LGR6: variants seen among roughly 807,000 people sequenced by gnomAD.
LGR6 encodes the protein leucine-rich repeat-containing G protein-coupled receptor 6.
A neutral mutation model predicts 69.4 loss-of-function variants in LGR6; 45 were observed. The observed-to-expected ratio is 0.65, with a 90% CI of 0.51 to 0.83. The LOEUF is 0.83. Ranked by LOEUF, LGR6 falls within the 40% of genes least tolerant of loss-of-function variation. The probability of loss-of-function intolerance (pLI) is 0.00; values close to 1 mark genes in which losing one functional copy is unlikely to be tolerated. For synonymous variants in LGR6, 538 were observed against 555.0 expected, an observed-to-expected ratio of 0.97 and a Z score of 0.43; for missense variants, 1,108 against 1,246.7, an observed-to-expected ratio of 0.89 and a Z score of 1.68.
At position 202,224,654 on chromosome 1, in the gene LGR6, A is replaced by G. The variant is rs868695748; in HGVS notation, c.213-769A>G. On this transcript the variant is annotated intron_variant, in intron 1 of 17. Coordinates refer to ENST00000367278, the MANE Select transcript of LGR6 (RefSeq NM_001017403.2). ...GGAGCATGCAACCTAGACCCCTCGC[A>G]TGCGCAGTTCACAGTAGGGTTCACA... is the stretch of plus-strand genomic sequence containing the variant. 2.6e-5 allele frequency among the ~76,000 whole-genome samples: 4 copies of G among 152,206 alleles called. No individual in the cohort carries two copies. In the East Asian group the frequency reaches 7.7e-4, roughly 29 times the overall value.
At chr1:202,213,998 G>A in intron 1 of LGR6, 1 of 967,080 alleles carries the variant, frequency 1.0e-6, no homozygotes, top group Non-Finnish European at 1.2e-6. Context: ...TAGCTCTGAT[G>A]AACCAAATAG....
intron 5 of LGR6, among the ~76,000 whole-genome samples, chr1:202,277,736 A>G (rs929073671): frequency 6.6e-5 from 10 of 152,084 alleles, no homozygotes; most frequent in African/African-American, 2.2e-4. Flanking sequence ...AATATGGGAA[A>G]AAAATAACAA....
intron 15 of LGR6, among the ~76,000 whole-genome samples, chr1:202,309,883 G>GA (rs1201720613): frequency 6.6e-6 from 1 of 152,218 alleles, no homozygotes; most frequent in Non-Finnish European, 1.5e-5. Context: ...TGAGCTTGGG[G>GA]AAGCCTCTGC....
intron 1 of LGR6, among the ~76,000 whole-genome samples, chr1:202,209,914 A>C (rs17489300): frequency 0.31 from 46,673 of 152,146 alleles, 8,398 homozygotes; most frequent in Non-Finnish European, 0.41. Context: ...TCCTACAGAA[A>C]TGCTTTTACC....
Position 202,318,050 on chromosome 1 carries a change from C to A in LGR6, c.1747C>A (p.Leu583Met). 2 of 1,614,196 alleles carry A rather than the reference C, an allele frequency of 1.2e-6. No individual in the cohort carries two copies. The highest frequency in any genetic ancestry group is 1.1e-5 in the South Asian group (1 of 91,082). The change falls in exon 18 of 18, where the codon CTG becomes ATG. Residue 583 changes from leucine to methionine, a missense_variant. By Grantham distance (15) the Leu-to-Met change is conservative (BLOSUM62 2). Coordinates refer to ENST00000367278, the MANE Select transcript of LGR6 (RefSeq NM_001017403.2). Reference protein sequence around the residue: ...LLSVLCNGLVLLTVFAGGPVP... With the variant: ...LLSVLCNGLVMLTVFAGGPVP... ...CTCCGTGCTCTGCAATGGACTGGTG[C>A]TGCTGACCGTGTTCGCTGGCGGGCC...
At chr1:202,245,673 C>T (rs1346318118) in intron 4 of LGR6, among the ~76,000 whole-genome samples, 1 of 152,124 alleles carries the variant, frequency 6.6e-6, no homozygotes, top group African/African-American at 2.4e-5. Context: ...CCGGGTGTTG[C>T]GAACTGATAG....
At chr1:202,253,434 C>G (rs1170504081) in intron 4 of LGR6, among the ~76,000 whole-genome samples, 2 of 151,338 alleles carry the variant, frequency 1.3e-5, no homozygotes, top group Non-Finnish European at 2.9e-5. Context: ...TCCCAAGTAG[C>G]TGGGATCACA....
intron 1 of LGR6, among the ~76,000 whole-genome samples, chr1:202,196,684 C>T (rs1658653177): frequency 6.6e-6 from 1 of 152,118 alleles, no homozygotes; most frequent in Admixed American, 6.5e-5. Flanking sequence ...TGCCTGACAC[C>T]CGAGGGTAAC....
At chr1:202,309,687 A>C (rs772019859) in intron 15 of LGR6, among the ~76,000 whole-genome samples, 57 of 152,244 alleles carry the variant, frequency 3.7e-4, no homozygotes, top group Non-Finnish European at 6.9e-4. Context: ...AGATGCCCTT[A>C]GGGCCTCTGC....
At chr1:202,251,432 G>C (rs1452651493) in intron 4 of LGR6, among the ~76,000 whole-genome samples, 1 of 152,208 alleles carries the variant, frequency 6.6e-6, no homozygotes, top group Non-Finnish European at 1.5e-5. Flanking sequence ...GGAGAGGCAG[G>C]AGCTACAGGT....
chr1:202,204,764 CCTCCTT>C (rs1659040531), intron 1 of LGR6, among the ~76,000 whole-genome samples: 3 of 2,050 alleles, frequency 1.5e-3, no homozygotes, highest in Non-Finnish European at 2.7e-3. Context: ...CACACACACC[CCTCCTT>C]CAAACACACA....
At chr1:202,273,602 C>T (rs1020527627) in intron 4 of LGR6, among the ~76,000 whole-genome samples, 1 of 151,900 alleles carries the variant, frequency 6.6e-6, no homozygotes, top group Non-Finnish European at 1.5e-5. Context: ...GGATTACAGG[C>T]GTGTGCAACC....
rs143167510 is a variant in LGR6 at position 202,194,163 on chromosome 1, C to T, written c.174C>T (p.Ser58=). Residue 58 remains serine (S), a synonymous_variant, in exon 1 of 18, where the codon TCC becomes TCT. Coordinates refer to ENST00000367278, the MANE Select transcript of LGR6 (RefSeq NM_001017403.2). The part of the protein sequence containing the change: ...LSADCSELGL[S]AVPGDLDPLT... ...CCGACTGCTCTGAGCTCGGGCTGTC[C>T]GCCGTTCCGGGGGACCTGGACCCCC... 588 of 1,572,244 alleles carry T rather than the reference C, an allele frequency of 3.7e-4. 3 individuals are homozygous for T. In the African/African-American group the frequency reaches 6.5e-3, roughly 17 times the overall value.
At chr1:202,210,551 C>T (rs1659425194) in intron 1 of LGR6, among the ~76,000 whole-genome samples, 1 of 152,254 alleles carries the variant, frequency 6.6e-6, no homozygotes, top group Non-Finnish European at 1.5e-5. Context: ...CAGGCAGGAG[C>T]CCGAGGTGTG....
Position 202,319,150 on chromosome 1 carries a change from C to T in LGR6, c.2847C>T (p.Gly949=). Residue 949 remains glycine, a synonymous_variant, in exon 18 of 18, where the codon GGC becomes GGT. Coordinates refer to ENST00000367278, the MANE Select transcript of LGR6 (RefSeq NM_001017403.2). ...AGGGATCTACGCCAGCAGGTGGAGG[C>T]TTGTCAGGGGGTGGCGGCTTTCAGC... is the stretch of plus-strand genomic sequence containing the variant. ...RAEGSTPAGG[G]LSGGGGFQPS... is the part of the protein sequence containing the mutation. 2 of 1,613,894 alleles carry T rather than the reference C, an allele frequency of 1.2e-6. No individual in the cohort carries two copies. Among genetic ancestry groups the T allele is most frequent in the Non-Finnish European group, 1.7e-6 (2 of 1,179,872 alleles).
rs182536156 is a variant in LGR6 at position 202,267,367 on chromosome 1, A to G, written c.429-8939A>G. On this transcript the variant is annotated intron_variant, in intron 4 of 17. Transcript: ENST00000367278. ...TGGGCTTGGTGACTACTTCTAGTGC[A>G]GACACACTGTTTAGTCCCTTTGGCT... is the stretch of plus-strand genomic sequence containing the variant. Among the ~76,000 whole-genome samples the G allele has an allele frequency of 8.3e-4, 127 of 152,282 alleles. 1 individual carries two copies. Among genetic ancestry groups the G allele is most frequent in the African/African-American group, 2.9e-3 (122 of 41,544 alleles).
intron 15 of LGR6, 67 bp downstream of exon 15, chr1:202,309,243 G>A: frequency 5.1e-6 from 8 of 1,581,694 alleles, no homozygotes; most frequent in Non-Finnish European, 6.9e-6. Flanking sequence ...CAGAGAGAAA[G>A]CCAGATGGCC....
chr1:202,234,244 T>C (rs1661333469), intron 3 of LGR6, among the ~76,000 whole-genome samples: 1 of 152,146 alleles, frequency 6.6e-6, no homozygotes, highest in South Asian at 2.1e-4. Flanking sequence ...CCCCTTGGGG[T>C]GGCAAAGAGG....
At chr1:202,205,503 T>C (rs1463850109) in intron 1 of LGR6, among the ~76,000 whole-genome samples, 1 of 1,210 alleles carries the variant, frequency 8.3e-4, no homozygotes, top group East Asian at 0.023. Flanking sequence ...ACACCCTGCT[T>C]CAAACACACA....
Sources: gnomAD v4.1 joint callset for allele counts (sites outside exome capture counted in the v4.1 genomes callset) on GRCh38, gnomAD v4.1.1 for gene constraint, MANE v1.5 for transcripts, NCBI Gene and HGNC (gene_info 2026-07-23, HGNC 2026-07-21) for gene names.